The following L3MBTL4 variants were observed in gnomAD, a reference collection of about 807,000 sequenced individuals.
L3MBTL4 encodes lethal(3)malignant brain tumor-like protein 4.
L3MBTL4 carries 70 observed loss-of-function variants against 84.5 expected under a neutral mutation model. That is an observed-to-expected ratio of 0.83 (90% CI 0.68 to 1.01). The LOEUF is 1.01. Among genes scored for constraint, L3MBTL4 ranks in the 50% least tolerant of loss-of-function variants. The probability of loss-of-function intolerance (pLI) is 0.00; values close to 1 mark genes in which losing one functional copy is unlikely to be tolerated. For missense variants in L3MBTL4, 715 were observed against 754.8 expected, an observed-to-expected ratio of 0.95 and a Z score of 0.62; for synonymous variants, 274 against 259.8, an observed-to-expected ratio of 1.05 and a Z score of -0.52.
chr18:6,000,409 A>G (rs2054161059), intron 16 of L3MBTL4, among the ~76,000 whole-genome samples: 1 of 152,202 alleles, frequency 6.6e-6, no homozygotes, highest in South Asian at 2.1e-4. Flanking sequence ...AAACCATTAC[A>G]GGAATAGAGA....
chr18:6,196,319 G>A (rs753245382), intron 12 of L3MBTL4, among the ~76,000 whole-genome samples: 11 of 152,098 alleles, frequency 7.2e-5, no homozygotes, highest in Middle Eastern at 3.4e-3. Flanking sequence ...CACCACGCCC[G>A]TCTAATTTTT....
chr18:6,228,862 A>T (rs1344693024), intron 10 of L3MBTL4, among the ~76,000 whole-genome samples: 1 of 152,176 alleles, frequency 6.6e-6, no homozygotes, highest in Non-Finnish European at 1.5e-5. Flanking sequence ...GAAGTTAGAA[A>T]GCAACAAAGC....
intron 10 of L3MBTL4, among the ~76,000 whole-genome samples, chr18:6,223,275 T>C (rs1218483436): frequency 6.6e-6 from 1 of 152,174 alleles, no homozygotes; most frequent in Non-Finnish European, 1.5e-5. Context: ...AATAAACACA[T>C]ACTTTTAGCT....
intron 4 of L3MBTL4, among the ~76,000 whole-genome samples, chr18:6,299,804 GGAC>G: frequency 6.6e-6 from 1 of 151,994 alleles, no homozygotes; most frequent in African/African-American, 2.4e-5. Flanking sequence ...CAAGTAGCTG[GGAC>G]TACAGGTGCA....
intron 14 of L3MBTL4, among the ~76,000 whole-genome samples, chr18:6,136,999 T>A (rs930385676): frequency 6.6e-6 from 1 of 152,236 alleles, no homozygotes; most frequent in African/African-American, 2.4e-5. Flanking sequence ...TGCACTTTAC[T>A]TCCTTTTGCT....
At chr18:6,371,875 C>T (rs2054172783) in intron 1 of L3MBTL4, among the ~76,000 whole-genome samples, 1 of 152,192 alleles carries the variant, frequency 6.6e-6, no homozygotes, top group Non-Finnish European at 1.5e-5. Flanking sequence ...TAAAGACATA[C>T]ATGAATTCCA....
chr18:6,141,162 T>C (rs942063095), intron 13 of L3MBTL4, among the ~76,000 whole-genome samples: 3 of 151,860 alleles, frequency 2.0e-5, no homozygotes, highest in African/African-American at 4.8e-5. Context: ...TGTAGTTCAA[T>C]ATATAGTTTG....
chr18:6,284,928 T>A (rs886987734), intron 4 of L3MBTL4, among the ~76,000 whole-genome samples: 2 of 151,766 alleles, frequency 1.3e-5, no homozygotes, highest in Admixed American at 1.3e-4. Context: ...AGTTGGGGAG[T>A]AGGCACAGGC....
intron 12 of L3MBTL4, among the ~76,000 whole-genome samples, chr18:6,174,296 ATGT>A (rs1276568404): frequency 1.3e-5 from 2 of 152,194 alleles, no homozygotes; most frequent in African/African-American, 4.8e-5. Context: ...GATAACCTAG[ATGT>A]TGTAATTAGC....
At chr18:6,099,741 A>G (rs2058757901) in intron 14 of L3MBTL4, among the ~76,000 whole-genome samples, 1 of 150,826 alleles carries the variant, frequency 6.6e-6, no homozygotes, top group South Asian at 2.1e-4. Flanking sequence ...TGACACTGTC[A>G]CTTAATTGTC....
At chr18:6,197,715 G>A (rs917070081) in intron 12 of L3MBTL4, among the ~76,000 whole-genome samples, 4 of 152,166 alleles carry the variant, frequency 2.6e-5, no homozygotes, top group African/African-American at 9.7e-5. Flanking sequence ...GGCAGCCTTC[G>A]TCTGTGTAGC....
At chr18:6,170,495 C>T (rs967149520) in intron 13 of L3MBTL4, among the ~76,000 whole-genome samples, 1 of 152,000 alleles carries the variant, frequency 6.6e-6, no homozygotes, top group Non-Finnish European at 1.5e-5. Flanking sequence ...AGGAAGCAAA[C>T]GGTAGAAAGA....
chr18:6,126,636 G>GA (rs59160936), intron 14 of L3MBTL4, among the ~76,000 whole-genome samples: 33 of 151,200 alleles, frequency 2.2e-4, no homozygotes, highest in Non-Finnish European at 3.3e-4. Flanking sequence ...AAAGAATTTA[G>GA]AAAAAAAAAT....
At chr18:6,025,841 G>A (rs781494448) in intron 16 of L3MBTL4, among the ~76,000 whole-genome samples, 7 of 152,212 alleles carry the variant, frequency 4.6e-5, no homozygotes, top group African/African-American at 7.2e-5. Context: ...GTGGAGCTCA[G>A]GCAGTAATGC....
At chr18:6,175,227 G>A (rs750108870) in intron 12 of L3MBTL4, among the ~76,000 whole-genome samples, 2 of 152,116 alleles carry the variant, frequency 1.3e-5, no homozygotes, top group Non-Finnish European at 2.9e-5. Flanking sequence ...ATGGGAAAGT[G>A]GGCCACCTTC....
intron 16 of L3MBTL4, among the ~76,000 whole-genome samples, chr18:5,995,296 C>T (rs1451874923): frequency 6.6e-6 from 1 of 152,238 alleles, no homozygotes; most frequent in African/African-American, 2.4e-5. Flanking sequence ...ATTGTGTGTC[C>T]CTGCATGGTG....
chr18:6,362,516 C>G (rs1599780121), intron 1 of L3MBTL4, among the ~76,000 whole-genome samples: 1 of 152,272 alleles, frequency 6.6e-6, no homozygotes, highest in East Asian at 1.9e-4. Context: ...TGGCTACCTT[C>G]ATTTATGTAA....
At chr18:6,186,002 A>ATTTTATTATTTTATATTT (rs542901226) in intron 12 of L3MBTL4, among the ~76,000 whole-genome samples, 2 of 134,184 alleles carry the variant, frequency 1.5e-5, no homozygotes, top group African/African-American at 7.5e-5. Flanking sequence ...TTATTATTTT[A>ATTTTATTATTTTATATTT]TATTTTATTT....
At chr18:6,225,417 C>T (rs1322130078) in intron 10 of L3MBTL4, among the ~76,000 whole-genome samples, 1 of 152,036 alleles carries the variant, frequency 6.6e-6, no homozygotes, top group Non-Finnish European at 1.5e-5. Flanking sequence ...CCTTCCAGAG[C>T]ACCAAAGGTA....
Sources: gnomAD v4.1 joint callset for allele counts (sites outside exome capture counted in the v4.1 genomes callset) on GRCh38, gnomAD v4.1.1 for gene constraint, MANE v1.5 for transcripts, NCBI Gene and HGNC (gene_info 2026-07-23, HGNC 2026-07-21) for gene names.